Variants in RBFOX1 observed in about 807,000 individuals in gnomAD.
RBFOX1 encodes RNA binding fox-1 homolog 1.
A neutral mutation model predicts 57.7 loss-of-function variants in RBFOX1; 8 were observed. The observed-to-expected ratio is 0.14, with a 90% CI of 0.08 to 0.25. RBFOX1 has a LOEUF of 0.25. RBFOX1 is among the 10% of genes least tolerant of loss of function. The probability of loss-of-function intolerance (pLI) is 1.00; values close to 1 mark genes in which losing one functional copy is unlikely to be tolerated. For missense variants in RBFOX1, 611 were observed against 548.5 expected (o/e 1.11, Z -1.14); for synonymous variants, 326 against 222.4 (o/e 1.47, Z -4.15).
chr16:6,739,940 A>G (rs4786118), intron 3 of RBFOX1, among the ~76,000 whole-genome samples: 3 of 152,030 alleles, frequency 2.0e-5, no homozygotes, highest in Admixed American at 2.0e-4. Context: ...TCTGGTCACA[A>G]AACTGGACAA....
chr16:7,687,649 T>A (rs922636661), intron 14 of RBFOX1, among the ~76,000 whole-genome samples: 45 of 152,194 alleles, frequency 3.0e-4, no homozygotes, highest in African/African-American at 1.0e-3. Flanking sequence ...ATTGTGACTT[T>A]CCACCTTAAT....
chr16:6,714,881 T>C lies in RBFOX1; in HGVS notation c.-16+60231T>C, dbSNP rs1188214630. On this transcript the variant is annotated intron_variant, in intron 3 of 15. Coordinates refer to ENST00000550418, the MANE Select transcript of RBFOX1 (RefSeq NM_018723.4). ...TGTTTGGGAGGCAGAAAAAAGTCTC[T>C]AGAAGGCACCTGGAAATAAGGAAGC... Among the ~76,000 whole-genome samples the C allele has an allele frequency of 2.0e-5, 3 of 152,200 alleles. No individual in the cohort carries two copies. The East Asian group carries it at 5.8e-4, about 29-fold the overall frequency.
intron 2 of RBFOX1, among the ~76,000 whole-genome samples, chr16:6,585,906 G>A (rs1415171768): frequency 6.6e-6 from 1 of 152,136 alleles, no homozygotes; most frequent in Non-Finnish European, 1.5e-5. Flanking sequence ...ATGTAGTAGA[G>A]ATCATACGCA....
At chr16:5,506,265 C>T (rs2043374428) in intron 2 of RBFOX1, among the ~76,000 whole-genome samples, 2 of 152,228 alleles carry the variant, frequency 1.3e-5, no homozygotes, top group African/African-American at 4.8e-5. Context: ...GCAACTTGCT[C>T]CAGCCACATT....
Position 6,549,334 on chromosome 16 carries a change from AG to A in RBFOX1, c.-63-105265del, listed in dbSNP as rs1221488320. Among the ~76,000 whole-genome samples, 7 of 6,240 alleles carry A rather than the reference AG, an allele frequency of 1.1e-3. 1 individual carries two copies. Among genetic ancestry groups the A allele is most frequent in the African/African-American group, 5.5e-3 (7 of 1,274 alleles). 4.1% of individuals were successfully genotyped at this position (6,240 alleles called of 152,430 possible). A position where few individuals can be genotyped will look rare whatever the true frequency, so the allele number is the denominator to read the frequency against. ...AAGGAGGAGGGGAGGAGGGAGGAGG[AG>A]GGGTGGAGGAGGAGGGGAGGAGGGA... On this transcript the variant is annotated intron_variant, in intron 2 of 15. Transcript: ENST00000550418.
At chr16:5,884,228 A>G (rs1484884825) in intron 4 of RBFOX1, among the ~76,000 whole-genome samples, 1 of 152,184 alleles carries the variant, frequency 6.6e-6, no homozygotes, top group African/African-American at 2.4e-5. Context: ...ACTCCCCCAT[A>G]GAGAACCTTC....
At chr16:6,609,338 T>C (rs1020305463) in intron 2 of RBFOX1, among the ~76,000 whole-genome samples, 2 of 152,102 alleles carry the variant, frequency 1.3e-5, no homozygotes, top group African/African-American at 4.8e-5. Context: ...GATTTTCTTT[T>C]TTCTCTTTTT....
At chr16:5,970,909 T>C (rs1166996032) in intron 4 of RBFOX1, among the ~76,000 whole-genome samples, 1 of 152,242 alleles carries the variant, frequency 6.6e-6, no homozygotes, top group African/African-American at 2.4e-5. Context: ...TTGTCAAGCA[T>C]GTGTTCTCAG....
At chr16:6,632,722 A>G (rs1251485125) in intron 2 of RBFOX1, among the ~76,000 whole-genome samples, 1 of 152,214 alleles carries the variant, frequency 6.6e-6, no homozygotes, top group Admixed American at 6.5e-5. Context: ...ACCAACCTGG[A>G]ATTTATTGAT....
chr16:6,569,988 C>T (rs891543977), intron 2 of RBFOX1, among the ~76,000 whole-genome samples: 3 of 152,088 alleles, frequency 2.0e-5, no homozygotes, highest in Admixed American at 6.6e-5. Flanking sequence ...GAGAAGAAGT[C>T]GTTAGGAAAC....
chr16:7,503,730 A>G (rs576764102), intron 4 of RBFOX1, among the ~76,000 whole-genome samples: 2 of 152,330 alleles, frequency 1.3e-5, no homozygotes, highest in Admixed American at 6.5e-5. Flanking sequence ...TTAAAATTCA[A>G]AATGCATCTG....
chr16:6,508,878 A>T (rs1158371237), intron 2 of RBFOX1, among the ~76,000 whole-genome samples: 1 of 152,176 alleles, frequency 6.6e-6, no homozygotes, highest in African/African-American at 2.4e-5. Flanking sequence ...ACAAAAAAAA[A>T]AAAATAAAGA....
chr16:5,967,922 T>C (rs1441863946), intron 4 of RBFOX1, among the ~76,000 whole-genome samples: 1 of 152,178 alleles, frequency 6.6e-6, no homozygotes, highest in Non-Finnish European at 1.5e-5. Flanking sequence ...TTCCTCTGTT[T>C]TTCGTAGTTG....
intron 4 of RBFOX1, among the ~76,000 whole-genome samples, chr16:7,097,905 C>T (rs1043140350): frequency 6.6e-6 from 1 of 152,140 alleles, no homozygotes; most frequent in Non-Finnish European, 1.5e-5. Flanking sequence ...CACACAATGG[C>T]CTGCTTTGTC....
chr16:5,935,121 C>T (rs1335539283), intron 4 of RBFOX1, among the ~76,000 whole-genome samples: 1 of 152,202 alleles, frequency 6.6e-6, no homozygotes, highest in African/African-American at 2.4e-5. Context: ...AACCTCCTGG[C>T]CTTCCAAGAA....
chr16:6,958,411 A>G (rs1000771953), intron 3 of RBFOX1, among the ~76,000 whole-genome samples: 6 of 152,168 alleles, frequency 3.9e-5, no homozygotes, highest in Non-Finnish European at 7.4e-5. Context: ...CCTTTTTATG[A>G]TCGGGTATCA....
intron 1 of RBFOX1, among the ~76,000 whole-genome samples, chr16:6,312,071 G>A (rs563820876): frequency 6.6e-5 from 10 of 152,300 alleles, no homozygotes; most frequent in South Asian, 2.1e-4. Flanking sequence ...CCTGCCTGCA[G>A]GGTGGGTACA....
intron 3 of RBFOX1, among the ~76,000 whole-genome samples, chr16:6,785,558 A>C (rs750010560): frequency 6.6e-6 from 1 of 152,144 alleles, no homozygotes; most frequent in Non-Finnish European, 1.5e-5. Flanking sequence ...ACTTAAATAA[A>C]AACTTCAACA....
intron 2 of RBFOX1, among the ~76,000 whole-genome samples, chr16:6,648,040 A>C (rs966878044): frequency 2.6e-5 from 4 of 151,924 alleles, no homozygotes; most frequent in African/African-American, 9.7e-5. Flanking sequence ...CAGGGGTTTC[A>C]TTTTCTTGCC....
Sources: gnomAD v4.1 joint callset for allele counts (sites outside exome capture counted in the v4.1 genomes callset) on GRCh38, gnomAD v4.1.1 for gene constraint, MANE v1.5 for transcripts, NCBI Gene and HGNC (gene_info 2026-07-23, HGNC 2026-07-21) for gene names.